The following PABPC1L variants were observed in gnomAD, a reference collection of about 807,000 sequenced individuals.
The protein encoded by PABPC1L is poly(A) binding protein cytoplasmic 1 like.
In PABPC1L, 31 loss-of-function variants were observed where a neutral mutation model predicts 66.6. The ratio of observed to expected loss-of-function variants is 0.47; its 90% CI spans 0.35 to 0.63. The LOEUF is 0.63. PABPC1L is among the 20% of genes least tolerant of loss of function. The pLI is 0.00. For synonymous variants in PABPC1L, 348 were observed against 335.1 expected, an observed-to-expected ratio of 1.04 and a Z score of -0.42; for missense variants, 722 against 848.8, an observed-to-expected ratio of 0.85 and a Z score of 1.86.
At chr20:44,923,397 C>A (rs1196747698) in intron 6 of PABPC1L, among the ~76,000 whole-genome samples, 1 of 151,952 alleles carries the variant, frequency 6.6e-6, no homozygotes, top group Non-Finnish European at 1.5e-5. Flanking sequence ...CCAAGGTGGG[C>A]AGATCACCTG....
At chr20:44,919,067 C>CG in intron 4 of PABPC1L, 22 bp downstream of exon 4, 1 of 1,610,102 alleles carries the variant, frequency 6.2e-7, no homozygotes, top group Non-Finnish European at 8.5e-7. Flanking sequence ...CCCAAGGGAG[C>CG]GGGGGGATCA....
intron 5 of PABPC1L, among the ~76,000 whole-genome samples, chr20:44,919,819 C>G (rs1279381330): frequency 1.3e-5 from 2 of 152,196 alleles, no homozygotes; most frequent in African/African-American, 2.4e-5. Flanking sequence ...TCTTCACACA[C>G]AAAAAGGCTC....
At chr20:44,912,993 A>G in intron 2 of PABPC1L, 140 bp downstream of exon 2, 1 of 710,906 alleles carries the variant, frequency 1.4e-6, no homozygotes, top group Non-Finnish European at 2.2e-6. Flanking sequence ...CCTGAATGAC[A>G]GCCGTTCTTT....
chr20:44,912,552 C>A, intron 1 of PABPC1L, 108 bp from the exon 2 acceptor site: 1 of 949,798 alleles, frequency 1.1e-6, no homozygotes, highest in Non-Finnish European at 1.6e-6. Flanking sequence ...GGGACCCAGA[C>A]AATGACTTTC....
chr20:44,924,119 TGGA>T, intron 6 of PABPC1L, 39 bp from the exon 7 acceptor site: 1 of 1,527,040 alleles, frequency 6.5e-7, no homozygotes, highest in Non-Finnish European at 9.1e-7. Context: ...AGTTGGGGCT[TGGA>T]GGAGAAGGGG....
intron 10 of PABPC1L, 89 bp downstream of exon 10, chr20:44,933,274 G>T: frequency 3.6e-6 from 4 of 1,112,320 alleles, no homozygotes; most frequent in Non-Finnish European, 5.3e-6. Context: ...CTTGCCATAT[G>T]CCCTCTCGGT....
Position 44,935,447 on chromosome 20 carries a change from C to A in PABPC1L, c.1516C>A (p.Arg506=). Residue 506 remains arginine, a synonymous_variant, in exon 11 of 15, where the codon CGG becomes AGG. Coordinates refer to ENST00000217073, the MANE Select transcript of PABPC1L (RefSeq NM_001372179.1). ...PSGVGCCTPG[R]PLLPCKCSSA... is the part of the protein sequence containing the mutation. Reference sequence around the variant, plus strand: ...TGGGGTAGGATGCTGTACACCAGGCCGGCCGCTCCTGCCGTGCAAATGTTC... The same window carrying A: ...TGGGGTAGGATGCTGTACACCAGGCAGGCCGCTCCTGCCGTGCAAATGTTC... 1 of 1,614,154 alleles carries A rather than the reference C, an allele frequency of 6.2e-7. No individual in the cohort carries two copies. Among genetic ancestry groups the A allele is most frequent in the Non-Finnish European group, 8.5e-7 (1 of 1,180,024 alleles).
intron 2 of PABPC1L, among the ~76,000 whole-genome samples, 184 bp from the exon 3 acceptor site, chr20:44,916,572 C>T (rs1180938262): frequency 6.6e-6 from 1 of 152,266 alleles, no homozygotes; most frequent in East Asian, 1.9e-4. Context: ...CTGCACCCAG[C>T]CTTCCTTAAT....
intron 1 of PABPC1L, 55 bp downstream of exon 1, chr20:44,910,391 A>G: frequency 1.4e-6 from 2 of 1,438,634 alleles, no homozygotes; most frequent in Non-Finnish European, 1.8e-6. Flanking sequence ...GCAGGCGGAC[A>G]GACAGAAGCC....
intron 1 of PABPC1L, among the ~76,000 whole-genome samples, chr20:44,911,658 G>A (rs2066705883): frequency 6.6e-6 from 1 of 152,156 alleles, no homozygotes; most frequent in Non-Finnish European, 1.5e-5. Context: ...GTTCCGCCGG[G>A]CCTGTTCCCC....
chr20:44,936,963 C>T (rs902082229), intron 12 of PABPC1L: 9 of 629,806 alleles, frequency 1.4e-5, no homozygotes, highest in Middle Eastern at 2.5e-4. Context: ...CTGCTGCTGT[C>T]CTGTGACTTT....
intron 8 of PABPC1L, 145 bp downstream of exon 8, chr20:44,930,871 A>G: frequency 8.8e-7 from 1 of 1,141,810 alleles, no homozygotes; most frequent in South Asian, 1.5e-5. Context: ...CCCTCTCTAT[A>G]AAAGGGAGAG....
intron 11 of PABPC1L, among the ~76,000 whole-genome samples, 186 bp from the exon 12 acceptor site, chr20:44,936,451 C>T (rs2066901113): frequency 6.6e-6 from 1 of 152,168 alleles, no homozygotes; most frequent in African/African-American, 2.4e-5. Context: ...AAGCTAGAGG[C>T]ATGACTTTGT....
At chr20:44,926,334 C>T (rs2066809019) in intron 7 of PABPC1L, among the ~76,000 whole-genome samples, 1 of 151,914 alleles carries the variant, frequency 6.6e-6, no homozygotes, top group East Asian at 1.9e-4. Flanking sequence ...TCAAGTGATT[C>T]TTCTCCCTCA....
chr20:44,925,106 C>T (rs990351313), intron 7 of PABPC1L, among the ~76,000 whole-genome samples: 6 of 148,230 alleles, frequency 4.0e-5, no homozygotes, highest in East Asian at 2.0e-4. Context: ...CCAGGTATTC[C>T]GGAGGCTGAG....
In PABPC1L at chr20:44,925,980, C is replaced by T. The variant is rs562504430; in HGVS notation, c.972+1724C>T. Among the ~76,000 whole-genome samples, 3 of 152,312 alleles carry T rather than the reference C, an allele frequency of 2.0e-5. No homozygotes were observed. The South Asian group carries it at 6.2e-4, about 32-fold the overall frequency. On this transcript the variant is annotated intron_variant, in intron 7 of 14. Coordinates refer to ENST00000217073, the MANE Select transcript of PABPC1L (RefSeq NM_001372179.1). ...CCTATAAAGTGGGAGCAACATTTCT[C>T]ACCTCTCCAGGTGTCCTAAGAACTA...
At position 44,919,289 on chromosome 20, in the gene PABPC1L, C is replaced by T; in HGVS notation, c.738+12C>T. On this transcript the variant is annotated intron_variant, in intron 5 of 14. Coordinates refer to ENST00000217073, the MANE Select transcript of PABPC1L (RefSeq NM_001372179.1). ...AGGAAGCCCAGAAGGTAGGAGCCTC[C>T]CCATGGCTCTGTTCTGCAGCAGGGG... The T allele has an allele frequency of 6.2e-7, 1 of 1,613,664 alleles. No homozygotes were observed. Among genetic ancestry groups the T allele is most frequent in the Non-Finnish European group, 8.5e-7 (1 of 1,179,696 alleles).
chr20:44,932,331 T>C lies in PABPC1L; in HGVS notation c.1240-11T>C. ...CAAGCCCCTCAGTCTGGGTCTTCTT[T>C]TCCCATGCAGCCTCCAGCCCAGGCT... On this transcript the variant is annotated splice_polypyrimidine_tract_variant and intron_variant, in intron 8 of 14. Transcript: ENST00000217073. 1 of 1,598,360 alleles carries C rather than the reference T, an allele frequency of 6.3e-7. No individual in the cohort carries two copies. Among genetic ancestry groups the C allele is most frequent in the East Asian group, 2.3e-5 (1 of 44,392 alleles).
intron 5 of PABPC1L, among the ~76,000 whole-genome samples, chr20:44,921,081 G>A (rs940416729): frequency 2.6e-5 from 4 of 151,836 alleles, no homozygotes; most frequent in African/African-American, 7.3e-5. Context: ...CCAAAGTGCT[G>A]TAATTACCAG....
Sources: gnomAD v4.1 joint callset for allele counts (sites outside exome capture counted in the v4.1 genomes callset) on GRCh38, gnomAD v4.1.1 for gene constraint, MANE v1.5 for transcripts, NCBI Gene and HGNC (gene_info 2026-07-23, HGNC 2026-07-21) for gene names.